Variants in TASP1 observed in about 807,000 individuals in gnomAD.
TASP1 encodes the protein taspase 1, also known as threonine aspartase 1.
A neutral mutation model predicts 56.6 loss-of-function variants in TASP1; 16 were observed. The ratio of observed to expected loss-of-function variants is 0.28; its 90% confidence interval spans 0.19 to 0.43. TASP1 has a LOEUF of 0.43. Among genes scored for constraint, TASP1 ranks in the 20% least tolerant of loss-of-function variants. The pLI is 1.00. For synonymous variants in TASP1, 179 were observed against 184.2 expected, an observed-to-expected ratio of 0.97 and a Z score of 0.23; for missense variants, 393 against 511.6, an observed-to-expected ratio of 0.77 and a Z score of 2.24.
chr20:13,172,633 C>G, the TASP1 span, among the ~76,000 whole-genome samples: 1 of 152,104 alleles, frequency 6.6e-6, no homozygotes, highest in African/African-American at 2.4e-5. Flanking sequence ...GACAACAAAG[C>G]ACTGCCTTCA....
intron 7 of TASP1, among the ~76,000 whole-genome samples, chr20:13,563,716 G>T (rs947054821): frequency 2.2e-4 from 33 of 151,104 alleles, no homozygotes; most frequent in Admixed American, 1.6e-3. Context: ...TGTTGCCCAG[G>T]CTGGTCTTGA....
the TASP1 span, among the ~76,000 whole-genome samples, chr20:13,131,053 C>T: frequency 2.4e-3 from 361 of 152,262 alleles, no homozygotes; most frequent in Admixed American, 3.9e-3. Flanking sequence ...CTAGAAAGAT[C>T]GCAGCTCAGT....
chr20:13,606,700 G>A (rs985623137), intron 4 of TASP1, among the ~76,000 whole-genome samples: 3 of 151,924 alleles, frequency 2.0e-5, no homozygotes, highest in South Asian at 2.1e-4. Context: ...CCAGCTACTC[G>A]GGAGGCTAAG....
the TASP1 span, among the ~76,000 whole-genome samples, chr20:13,379,113 C>A: frequency 2.6e-5 from 4 of 152,150 alleles, no homozygotes; most frequent in Admixed American, 6.5e-5. Flanking sequence ...TTGATCCTGT[C>A]ATCATGATGA....
At chr20:13,388,810 G>A (rs1396608850), downstream of TASP1, among the ~76,000 whole-genome samples, 1 of 152,192 alleles carries the variant, frequency 6.6e-6, no homozygotes, top group Non-Finnish European at 1.5e-5. Context: ...GTAATTGCCT[G>A]TACCAGGAAT....
the TASP1 span, among the ~76,000 whole-genome samples, chr20:13,253,037 G>A: frequency 2.0e-5 from 3 of 152,206 alleles, no homozygotes; most frequent in African/African-American, 7.2e-5. Context: ...CCATGGACCT[G>A]TGTGGCTTAA....
chr20:13,564,478 C>A (rs1247090888), intron 7 of TASP1, among the ~76,000 whole-genome samples: 6 of 151,324 alleles, frequency 4.0e-5, no homozygotes, highest in African/African-American at 1.5e-4. Context: ...GAATTGGAAG[C>A]TTTAATATTG....
chr20:13,554,755 C>T (rs927825766), intron 8 of TASP1, among the ~76,000 whole-genome samples: 1 of 152,092 alleles, frequency 6.6e-6, no homozygotes, highest in African/African-American at 2.4e-5. Context: ...AAAAAATATG[C>T]ATACCTTAAC....
At chr20:13,359,208 C>T in the TASP1 span, among the ~76,000 whole-genome samples, 1 of 145,752 alleles carries the variant, frequency 6.9e-6, no homozygotes, top group Non-Finnish European at 1.5e-5. Flanking sequence ...AGGCATTCCT[C>T]CAGAACCTCC....
At chr20:13,496,373 C>T (rs1568876190) in intron 10 of TASP1, among the ~76,000 whole-genome samples, 1 of 151,934 alleles carries the variant, frequency 6.6e-6, no homozygotes, top group African/African-American at 2.4e-5. Flanking sequence ...ATTTTTAATA[C>T]TGCTGCTGGA....
At chr20:13,252,820 A>C in the TASP1 span, among the ~76,000 whole-genome samples, 1 of 151,908 alleles carries the variant, frequency 6.6e-6, no homozygotes, top group Non-Finnish European at 1.5e-5. Flanking sequence ...GGGCAACTGA[A>C]GGAAACTGTT....
At chr20:13,202,732 G>A in the TASP1 span, among the ~76,000 whole-genome samples, 5 of 152,298 alleles carry the variant, frequency 3.3e-5, no homozygotes, top group Admixed American at 1.3e-4. Flanking sequence ...GGAAAGTGAC[G>A]TACAGAAAAC....
chr20:13,587,206 C>T (rs755973010), intron 5 of TASP1, 44 bp downstream of exon 5: 13 of 1,568,126 alleles, frequency 8.3e-6, no homozygotes, highest in East Asian at 6.9e-5. Flanking sequence ...GAAATGGTCA[C>T]GTGCATGATT....
At chr20:13,562,245 A>G (rs35956744) in intron 7 of TASP1, among the ~76,000 whole-genome samples, 8,428 of 152,160 alleles carry the variant, frequency 0.055, 275 homozygotes, top group African/African-American at 0.077. Context: ...AAAACTTACA[A>G]AGTACATCAA....
chr20:13,429,603 A>G (rs1478082148), intron 12 of TASP1, among the ~76,000 whole-genome samples: 1 of 151,318 alleles, frequency 6.6e-6, no homozygotes, highest in African/African-American at 2.4e-5. Context: ...TCACCAGCAC[A>G]GGGTGTGTGT....
At chr20:13,321,550 T>C in the TASP1 span, among the ~76,000 whole-genome samples, 9 of 152,174 alleles carry the variant, frequency 5.9e-5, no homozygotes, top group African/African-American at 2.2e-4. Flanking sequence ...TTCCTCTGTC[T>C]GCCTAGGCCT....
At chr20:13,375,889 G>T in the TASP1 span, among the ~76,000 whole-genome samples, 1 of 151,456 alleles carries the variant, frequency 6.6e-6, no homozygotes, top group Non-Finnish European at 1.5e-5. Flanking sequence ...TTTAAGAAGT[G>T]TCTGTTCATA....
At chr20:13,418,785 T>C (rs1410160300) in intron 12 of TASP1, among the ~76,000 whole-genome samples, 1 of 152,212 alleles carries the variant, frequency 6.6e-6, no homozygotes, top group Non-Finnish European at 1.5e-5. Context: ...TTTGATAAGA[T>C]ACCTTGAGAC....
At chr20:13,386,707 G>C (rs2041165251), downstream of TASP1, among the ~76,000 whole-genome samples, 1 of 152,076 alleles carries the variant, frequency 6.6e-6, no homozygotes, top group Non-Finnish European at 1.5e-5. Context: ...AAAGGCTTTT[G>C]AGTAGCCCCG....
Sources: gnomAD v4.1 joint callset for allele counts (sites outside exome capture counted in the v4.1 genomes callset) on GRCh38, gnomAD v4.1.1 for gene constraint, MANE v1.5 for transcripts, NCBI Gene and HGNC (gene_info 2026-07-23, HGNC 2026-07-21) for gene names.